The following NCOA1 variants were observed in gnomAD, a reference collection of about 807,000 sequenced individuals.
The protein encoded by NCOA1 is Hin-2 protein.
A neutral mutation model predicts 150.9 loss-of-function variants in NCOA1; 35 were observed. The ratio of observed to expected loss-of-function variants is 0.23; its 90% CI spans 0.18 to 0.31. NCOA1 has a LOEUF of 0.31. Ranked by LOEUF, NCOA1 falls within the 10% of genes least tolerant of loss-of-function variation. NCOA1 has a pLI of 1.00. For missense variants in NCOA1, 1,491 were observed against 1,749.3 expected, an observed-to-expected ratio of 0.85 and a Z score of 2.63; for synonymous variants, 590 against 630.0, an observed-to-expected ratio of 0.94 and a Z score of 0.95.
chr2:24,520,208 A>G (rs886827667), intron 1 of NCOA1, among the ~76,000 whole-genome samples: 3 of 152,202 alleles, frequency 2.0e-5, no homozygotes, highest in Non-Finnish European at 4.4e-5. Flanking sequence ...TTAAAGTTAA[A>G]CATATACTTA....
chr2:24,716,206 A>C (rs1674033577), intron 14 of NCOA1, among the ~76,000 whole-genome samples: 1 of 151,872 alleles, frequency 6.6e-6, no homozygotes, highest in Non-Finnish European at 1.5e-5. Flanking sequence ...GCTTTTTCTA[A>C]AGTGTATATG....
intron 19 of NCOA1, among the ~76,000 whole-genome samples, chr2:24,748,348 ACG>A (rs1427851191): frequency 6.6e-6 from 1 of 152,196 alleles, no homozygotes; most frequent in Non-Finnish European, 1.5e-5. Context: ...GTGGTGGCTC[ACG>A]CCTGTAATCC....
At chr2:24,584,125 A>G (rs1319225006) in intron 2 of NCOA1, among the ~76,000 whole-genome samples, 6 of 152,168 alleles carry the variant, frequency 3.9e-5, no homozygotes, top group Non-Finnish European at 8.8e-5. Context: ...TAAACATTCT[A>G]TATATGTATT....
At chr2:24,498,843 C>T (rs905822196) in intron 1 of NCOA1, among the ~76,000 whole-genome samples, 4 of 151,784 alleles carry the variant, frequency 2.6e-5, no homozygotes, top group Non-Finnish European at 5.9e-5. Context: ...GGTTTTATAC[C>T]CCAAATTTCA....
intron 1 of NCOA1, among the ~76,000 whole-genome samples, chr2:24,545,214 C>T (rs781615216): frequency 1.4e-4 from 21 of 151,850 alleles, no homozygotes; most frequent in African/African-American, 3.9e-4. Flanking sequence ...ATTCTTGGGC[C>T]GGGGCAGGGA....
At chr2:24,728,721 C>T (rs574283968) in intron 16 of NCOA1, among the ~76,000 whole-genome samples, 2 of 152,194 alleles carry the variant, frequency 1.3e-5, no homozygotes, top group East Asian at 1.9e-4. Flanking sequence ...AGAATAGAAT[C>T]CAGATTTATA....
intron 19 of NCOA1, among the ~76,000 whole-genome samples, chr2:24,748,803 A>G (rs1664072374): frequency 2.0e-5 from 3 of 152,188 alleles, no homozygotes; most frequent in African/African-American, 7.2e-5. Flanking sequence ...TAGATATTAC[A>G]CAGGCATATA....
At chr2:24,500,616 T>C (rs1207486531) in intron 1 of NCOA1, among the ~76,000 whole-genome samples, 1 of 152,234 alleles carries the variant, frequency 6.6e-6, no homozygotes, top group Non-Finnish European at 1.5e-5. Context: ...TAATACCATT[T>C]CATAGAGATT....
chr2:24,684,152 T>A (rs1227261607), intron 8 of NCOA1, among the ~76,000 whole-genome samples: 1 of 152,200 alleles, frequency 6.6e-6, no homozygotes, highest in Non-Finnish European at 1.5e-5. Context: ...TTAATTAAGA[T>A]TTCTTTCCTT....
intron 10 of NCOA1, 129 bp from the exon 11 acceptor site, chr2:24,697,529 G>A: frequency 1.2e-6 from 1 of 852,064 alleles, no homozygotes; most frequent in Non-Finnish European, 1.7e-6. Flanking sequence ...AAAATTAATA[G>A]TGCTTTTTGA....
rs1572545460 is a variant in NCOA1 at position 24,652,686 on chromosome 2, A to G, written c.-17-5975A>G. ...TTTAGTCTGGTACATTTGAACAGAG[A>G]TAAATGTAGTTTCTAGTTCCTAAAA... On this transcript the variant is annotated intron_variant, in intron 4 of 22. Coordinates refer to ENST00000348332, the MANE Select transcript of NCOA1 (RefSeq NM_003743.5). 3.3e-5 allele frequency among the ~76,000 whole-genome samples: 5 copies of G among 152,244 alleles called. No individual in the cohort carries two copies. In the South Asian group the frequency reaches 1.0e-3, roughly 32 times the overall value.
chr2:24,503,782 CTGGATG>C (rs369243778), intron 1 of NCOA1, among the ~76,000 whole-genome samples: 1 of 144,712 alleles, frequency 6.9e-6, no homozygotes, highest in East Asian at 2.0e-4. Flanking sequence ...GTCGTCCAGG[CTGGATG>C]TGGTGGTGTG....
At chr2:24,562,348 A>C (rs1416947947) in intron 1 of NCOA1, among the ~76,000 whole-genome samples, 1 of 152,228 alleles carries the variant, frequency 6.6e-6, no homozygotes, top group African/African-American at 2.4e-5. Context: ...TGGATTTCAC[A>C]TTCTCAACTA....
chr2:24,739,802 C>G (rs1030152622), intron 18 of NCOA1, among the ~76,000 whole-genome samples: 7 of 152,038 alleles, frequency 4.6e-5, no homozygotes, highest in African/African-American at 1.7e-4. Flanking sequence ...ACTCTTATTT[C>G]TGTAGCGAAT....
intron 1 of NCOA1, among the ~76,000 whole-genome samples, chr2:24,538,301 A>G (rs1665249654): frequency 6.6e-6 from 1 of 152,244 alleles, no homozygotes; most frequent in Non-Finnish European, 1.5e-5. Context: ...ATAGACTAAA[A>G]TTGAGGCAAT....
At chr2:24,587,637 T>G (rs1018891645) in intron 3 of NCOA1, among the ~76,000 whole-genome samples, 3 of 152,232 alleles carry the variant, frequency 2.0e-5, no homozygotes, top group African/African-American at 7.2e-5. Flanking sequence ...AGGAACATTT[T>G]ATTTATTTTT....
intron 1 of NCOA1, among the ~76,000 whole-genome samples, chr2:24,516,320 G>A (rs554960725): frequency 1.1e-4 from 17 of 149,994 alleles, no homozygotes; most frequent in African/African-American, 3.9e-4. Flanking sequence ...AGCCTCCCGA[G>A]TAGCTGGGAC....
At chr2:24,682,873 T>G (rs952475508) in intron 7 of NCOA1, 78 bp from the exon 8 acceptor site, 28 of 1,321,516 alleles carry the variant, frequency 2.1e-5, no homozygotes, top group Non-Finnish European at 2.8e-5. Context: ...CTGATCTCTT[T>G]TTTAATAGAA....
chr2:24,694,033 C>T (rs901263418), intron 10 of NCOA1, among the ~76,000 whole-genome samples: 7 of 151,982 alleles, frequency 4.6e-5, no homozygotes, highest in Non-Finnish European at 7.4e-5. Context: ...TGATGCAGAA[C>T]GAGTACTCCT....
Sources: gnomAD v4.1 joint callset for allele counts (sites outside exome capture counted in the v4.1 genomes callset) on GRCh38, gnomAD v4.1.1 for gene constraint, MANE v1.5 for transcripts, NCBI Gene and HGNC (gene_info 2026-07-23, HGNC 2026-07-21) for gene names.